Variants in BSCL2 observed in about 807,000 individuals in gnomAD.
BSCL2 encodes BSCL2 lipid droplet biogenesis associated, seipin.
In BSCL2, 41 loss-of-function variants were observed where a neutral mutation model predicts 57.4. The observed-to-expected ratio is 0.71, with a 90% CI of 0.56 to 0.93. The LOEUF is 0.93. Ranked by LOEUF, BSCL2 falls within the 40% of genes least tolerant of loss-of-function variation. The probability of loss-of-function intolerance (pLI) is 0.00; values close to 1 mark genes in which losing one functional copy is unlikely to be tolerated. For missense variants in BSCL2, 539 were observed against 586.7 expected, an observed-to-expected ratio of 0.92 and a Z score of 0.84; for synonymous variants, 237 against 227.3, an observed-to-expected ratio of 1.04 and a Z score of -0.38.
chr11:62,695,676 A>G (rs544293186), intron 3 of BSCL2, among the ~76,000 whole-genome samples: 7 of 140,434 alleles, frequency 5.0e-5, no homozygotes, highest in Non-Finnish European at 9.1e-5. Context: ...GCGCCATTGC[A>G]CTGCAGCCTG....
chr11:62,708,272 T>C, upstream of BSCL2: 1 of 1,490,566 alleles, frequency 6.7e-7, no homozygotes, highest in South Asian at 1.1e-5. Flanking sequence ...GACTGTGCTC[T>C]GAGAGGTCCC....
At chr11:62,692,224 G>T in intron 6 of BSCL2, 152 bp downstream of exon 6, 1 of 789,420 alleles carries the variant, frequency 1.3e-6, no homozygotes, top group Non-Finnish European at 2.2e-6. Context: ...GGAGCTGATA[G>T]GCCAATATGT....
At chr11:62,694,822 C>A (rs1212168067) in intron 3 of BSCL2, 111 bp from the exon 4 acceptor site, 2 of 1,321,544 alleles carry the variant, frequency 1.5e-6, no homozygotes, top group South Asian at 1.3e-5. Context: ...TCAGCCACAA[C>A]CCTCTTGGGT....
intron 3 of BSCL2, among the ~76,000 whole-genome samples, chr11:62,695,948 GT>G (rs1420209979): frequency 2.0e-5 from 3 of 151,942 alleles, no homozygotes; most frequent in Admixed American, 6.6e-5. Flanking sequence ...GCTGAGACGA[GT>G]GTATCACAAG....
At chr11:62,698,008 C>T (rs1383345865) in intron 3 of BSCL2, among the ~76,000 whole-genome samples, 2 of 143,794 alleles carry the variant, frequency 1.4e-5, no homozygotes, top group African/African-American at 2.6e-5. Context: ...CCCGGGTTCA[C>T]GCCATTCTCC....
chr11:62,708,978 T>G, upstream of BSCL2: 10 of 619,532 alleles, frequency 1.6e-5, no homozygotes, highest in East Asian at 2.8e-5. Flanking sequence ...TCGACCCCAT[T>G]TCCTACCACC....
At chr11:62,707,544 CAG>C, upstream of BSCL2, 1 of 601,816 alleles carries the variant, frequency 1.7e-6, no homozygotes, top group Non-Finnish European at 3.0e-6. Context: ...GTCTCTAGCC[CAG>C]AGTCAGGATG....
chr11:62,696,523 T>A (rs1191445409), intron 3 of BSCL2, among the ~76,000 whole-genome samples: 1 of 151,554 alleles, frequency 6.6e-6, no homozygotes, highest in African/African-American at 2.4e-5. Context: ...GCTCAGCCTA[T>A]GAATTCTTCC....
rs1289456754 is a variant in BSCL2, at chr11:62,696,093, C to T, written c.487-1382G>A. Among the ~76,000 whole-genome samples, 3 of 152,138 alleles carry T rather than the reference C, an allele frequency of 2.0e-5. No individual in the cohort carries two copies. The East Asian group carries it at 5.8e-4, about 29-fold the overall frequency. On this transcript the variant is annotated intron_variant, in intron 3 of 10. Transcript: ENST00000360796. ...AGGCTGAGGCAGAGAGCTGCTTGAA[C>T]CCGAGAGGCGGAGGTTGCAGTGAGC...
At position 62,690,470 on chromosome 11, in the gene BSCL2, G is replaced by A. The variant is rs1004545791; in HGVS notation, c.1286C>T (p.Ala429Val). The change falls in exon 11 of 11, where the codon GCT (alanine) becomes GTT (valine). Residue 429 changes from alanine (A) to valine (V), a missense_variant. This residue lies in a region of BSCL2 where 248 missense variants were observed against 239.9 expected (regional missense o/e 1.03). Coordinates refer to ENST00000360796, the MANE Select transcript of BSCL2 (RefSeq NM_001122955.4). ...AALLTEANLP[A>V]PAPASASAPV... ...GGCAGAAGCAGAAGCAGGAGCAGGA[G>A]CAGGCAGGTTGGCCTCCGTCAGCAA... The A allele has an allele frequency of 6.2e-7, 1 of 1,614,192 alleles. No homozygotes were observed. Among genetic ancestry groups the A allele is most frequent in the Non-Finnish European group, 8.5e-7 (1 of 1,180,040 alleles).
intron 6 of BSCL2, among the ~76,000 whole-genome samples, chr11:62,691,625 G>A (rs1278754535): frequency 6.6e-6 from 1 of 152,118 alleles, no homozygotes; most frequent in African/African-American, 2.4e-5. Flanking sequence ...GTCTCCTGTG[G>A]GAGGGCCATA....
Position 62,705,283 on chromosome 11 carries a change from A to C in BSCL2, c.404+18T>G. 1 of 1,592,232 alleles carries C rather than the reference A, an allele frequency of 6.3e-7. No individual in the cohort carries two copies. The highest frequency in any genetic ancestry group is 1.1e-5 in the South Asian group (1 of 88,580). On this transcript the variant is annotated intron_variant, in intron 2 of 10. Coordinates refer to ENST00000360796, the MANE Select transcript of BSCL2 (RefSeq NM_001122955.4). ...ATTCCCATAGGAGTCCTCTATTTTG[A>C]TAGAAGGCCCCTCTCACCTGTAGTA...
intron 3 of BSCL2, among the ~76,000 whole-genome samples, chr11:62,695,084 A>G (rs565244526): frequency 5.5e-4 from 83 of 152,258 alleles, no homozygotes; most frequent in African/African-American, 2.0e-3. Flanking sequence ...CTCTTACATT[A>G]TTAATCAAGC....
intron 3 of BSCL2, among the ~76,000 whole-genome samples, chr11:62,700,960 A>G (rs1168402735): frequency 6.6e-6 from 1 of 152,046 alleles, no homozygotes; most frequent in Non-Finnish European, 1.5e-5. Flanking sequence ...CTCAAAAAAA[A>G]AAAAAGAACG....
At chr11:62,706,847 ACT>A in intron 1 of BSCL2, 8 of 597,442 alleles carry the variant, frequency 1.3e-5, no homozygotes, top group South Asian at 9.2e-5. Context: ...AACTGGATAC[ACT>A]CTCCCTCAGA....
At chr11:62,704,328 T>C (rs575532397) in intron 2 of BSCL2, among the ~76,000 whole-genome samples, 1 of 138,006 alleles carries the variant, frequency 7.2e-6, no homozygotes. Context: ...GGTCAGGAGA[T>C]TGAGACCATC....
chr11:62,702,980 A>AT (rs1347714569), intron 2 of BSCL2, among the ~76,000 whole-genome samples: 1 of 151,998 alleles, frequency 6.6e-6, no homozygotes, highest in African/African-American at 2.4e-5. Context: ...GAGACACCCC[A>AT]TCTCTACTAA....
rs187108650 is a variant in BSCL2, at chr11:62,702,582, G to C, written c.405-33C>G. 10 of 1,580,988 alleles carry C rather than the reference G, an allele frequency of 6.3e-6. No individual in the cohort carries two copies. In the Admixed American group the frequency reaches 1.5e-4, roughly 24 times the overall value. On this transcript the variant is annotated intron_variant, in intron 2 of 10. Coordinates refer to ENST00000360796, the MANE Select transcript of BSCL2 (RefSeq NM_001122955.4). ...AGATTGGAGGAGGATACTCTGCTAAGTTAGTCTTACTAGTCCATCCATACA... is the reference window on the plus strand; with the variant it reads ...AGATTGGAGGAGGATACTCTGCTAACTTAGTCTTACTAGTCCATCCATACA...
chr11:62,707,443 C>G, upstream of BSCL2: 1 of 695,884 alleles, frequency 1.4e-6, no homozygotes, highest in Non-Finnish European at 2.6e-6. Context: ...TCCCCCGCAG[C>G]CAGTACAGAC....
Sources: gnomAD v4.1 joint callset for allele counts (sites outside exome capture counted in the v4.1 genomes callset) on GRCh38, gnomAD v4.1.1 for gene constraint, gnomAD v4.1.1 regional missense constraint, MANE v1.5 for transcripts, NCBI Gene and HGNC (gene_info 2026-07-23, HGNC 2026-07-21) for gene names.